The following PRKD2 variants were observed in gnomAD, a reference collection of about 807,000 sequenced individuals.
PRKD2 encodes serine/threonine-protein kinase D2.
Under a neutral mutation model 86.0 loss-of-function variants are expected in PRKD2, and 22 were observed. That is an observed-to-expected ratio of 0.26 (90% confidence interval 0.18 to 0.37). The LOEUF is 0.37. PRKD2 is among the 10% of genes least tolerant of loss of function. PRKD2 has a pLI of 1.00. For synonymous variants in PRKD2, 509 were observed against 510.9 expected, an observed-to-expected ratio of 1.00 and a Z score of 0.05; for missense variants, 818 against 1,199.2, an observed-to-expected ratio of 0.68 and a Z score of 4.70.
Position 46,716,428 on chromosome 19 carries a change from C to T in PRKD2, c.-58G>A. 1.8e-6 allele frequency: 2 copies of T among 1,132,986 alleles called. No homozygotes were observed. Among genetic ancestry groups the T allele is most frequent in the Non-Finnish European group, 1.2e-6 (1 of 843,438 alleles). 70.2% of individuals were successfully genotyped at this position (1,132,986 alleles called of 1,614,324 possible). A position where few individuals can be genotyped will look rare whatever the true frequency, so the allele number is the denominator to read the frequency against. On this transcript the variant is annotated 5_prime_UTR_variant, in exon 1 of 18. Transcript: ENST00000291281. The surrounding 1 kb of genome is among the most constrained non-coding windows in gnomAD (Gnocchi z 7.9). The stretch of plus-strand genomic sequence containing the variant: ...CACCCGGGACCCGGCCGGGGGGCCC[C>T]GGGGGACCCTGGGTTCTAGATCCGC...
At position 46,678,347 on chromosome 19, in the gene PRKD2, G is replaced by GC. The variant is rs765155895; in HGVS notation, c.2338+48dup. 11 of 1,595,298 alleles carry GC rather than the reference G, an allele frequency of 6.9e-6. No homozygotes were observed. Among genetic ancestry groups the GC allele is most frequent in the Non-Finnish European group, 9.4e-6 (11 of 1,172,738 alleles). On this transcript the variant is annotated intron_variant, in intron 16 of 17. Coordinates refer to ENST00000291281, the MANE Select transcript of PRKD2 (RefSeq NM_016457.5). This position sits in a 1 kb window ranked among gnomAD's most constrained non-coding sequence, Gnocchi z 5.7. ...TCTCATGGCTCCGCCCACTTCTCCA[G>GC]CCCCACCCCACAACCCACCCGCCCA...
chr19:46,680,946 A>ATATATATATATATATATTT, intron 15 of PRKD2, among the ~76,000 whole-genome samples: 89 of 48,148 alleles, frequency 1.8e-3, no homozygotes, highest in African/African-American at 2.3e-3. Flanking sequence ...ATATATATAT[A>ATATATATATATATATATTT]TTTTTTTTTT....
chr19:46,713,006 T>G (rs1056733656), intron 2 of PRKD2, among the ~76,000 whole-genome samples: 1 of 152,176 alleles, frequency 6.6e-6, no homozygotes, highest in Non-Finnish European at 1.5e-5. Context: ...CATAACTTTT[T>G]TTTTTCTTTT....
At chr19:46,679,472 G>C (rs2053263463) in intron 15 of PRKD2, among the ~76,000 whole-genome samples, 1 of 152,222 alleles carries the variant, frequency 6.6e-6, no homozygotes, top group Non-Finnish European at 1.5e-5. Flanking sequence ...ATGATCTCAG[G>C]TCAAGGACCT....
At chr19:46,703,440 A>G (rs2053662153) in intron 5 of PRKD2, among the ~76,000 whole-genome samples, 2 of 151,988 alleles carry the variant, frequency 1.3e-5, no homozygotes, top group African/African-American at 4.8e-5. Flanking sequence ...CAGCCTGAAC[A>G]ATATAGTGAT....
chr19:46,696,961 G>GT (rs927001060), intron 9 of PRKD2, among the ~76,000 whole-genome samples, 196 bp downstream of exon 9: 74 of 152,248 alleles, frequency 4.9e-4, no homozygotes, highest in African/African-American at 1.8e-3. Flanking sequence ...CCTGCCCGGA[G>GT]TCCCCCTGGC....
At position 46,677,046 on chromosome 19, in the gene PRKD2, G is replaced by A. The variant is rs575064201; in HGVS notation, c.2338+1350C>T. 7 of 133,744 alleles carry A rather than the reference G, an allele frequency of 5.2e-5. No individual in the cohort carries two copies. In the East Asian group the frequency reaches 1.5e-3, roughly 28 times the overall value. 8.3% of individuals were successfully genotyped at this position (133,744 alleles called of 1,614,324 possible). A position where few individuals can be genotyped will look rare whatever the true frequency, so the allele number is the denominator to read the frequency against. ...ACTGCACTCCAGCGTGGGTGAAAGAGCGAGACCCCACCTCAAAAAAAAAAA... is the reference window on the plus strand; with the variant it reads ...ACTGCACTCCAGCGTGGGTGAAAGAACGAGACCCCACCTCAAAAAAAAAAA... On this transcript the variant is annotated intron_variant, in intron 16 of 17. Transcript: ENST00000291281.
At chr19:46,695,435 A>T (rs971847779) in intron 9 of PRKD2, among the ~76,000 whole-genome samples, 16 of 152,220 alleles carry the variant, frequency 1.1e-4, no homozygotes, top group Non-Finnish European at 1.8e-4. Context: ...GTGAGCCAAG[A>T]TCGCGCCACT....
At position 46,689,213 on chromosome 19, in the gene PRKD2, C is replaced by A. The variant is rs181805642; in HGVS notation, c.1971+324G>T. 39 of 185,640 alleles carry A rather than the reference C, an allele frequency of 2.1e-4. No individual in the cohort carries two copies. The Admixed American group carries it at 2.2e-3, about 11-fold the overall frequency. The allele number at this position is 185,640 out of a possible 1,614,324, so 11.5% of individuals were successfully genotyped here. On this transcript the variant is annotated intron_variant, in intron 14 of 17. Coordinates refer to ENST00000291281, the MANE Select transcript of PRKD2 (RefSeq NM_016457.5). ...CTCGGCTCACTGCAAGCTCCATCTC[C>A]CAGGTTCACACCATTCTCCTGCCTC...
At chr19:46,713,232 G>A (rs1325190113) in intron 2 of PRKD2, among the ~76,000 whole-genome samples, 1 of 129,562 alleles carries the variant, frequency 7.7e-6, no homozygotes, top group Non-Finnish European at 1.6e-5. Context: ...TCCTTATGTT[G>A]CCCAGGCTGG....
chr19:46,674,756 G>A, intron 17 of PRKD2, 21 bp from the exon 18 acceptor site: 1 of 1,597,228 alleles, frequency 6.3e-7, no homozygotes, highest in South Asian at 1.1e-5. Context: ...GAGAACTGGG[G>A]TTAGCTTGGG....
chr19:46,689,852 C>G (rs897800987), intron 13 of PRKD2, 154 bp from the exon 14 acceptor site: 1 of 777,964 alleles, frequency 1.3e-6, no homozygotes, highest in Non-Finnish European at 2.0e-6. Context: ...CAGGCCAAGA[C>G]AGAACAGGCC....
intron 5 of PRKD2, among the ~76,000 whole-genome samples, chr19:46,702,596 C>T (rs73940754): frequency 0.053 from 8,075 of 152,082 alleles, 280 homozygotes; most frequent in East Asian, 0.16. Context: ...TAGCTCTAGG[C>T]TTCTAAGATT....
chr19:46,703,079 C>T (rs1381445609), intron 5 of PRKD2, among the ~76,000 whole-genome samples: 1 of 152,136 alleles, frequency 6.6e-6, no homozygotes, highest in Admixed American at 6.6e-5. Context: ...TGATTCTAGA[C>T]GTCTAAGACT....
intron 5 of PRKD2, 106 bp from the exon 6 acceptor site, chr19:46,701,218 T>A: frequency 8.2e-7 from 1 of 1,226,656 alleles, no homozygotes; most frequent in Non-Finnish European, 1.2e-6. Flanking sequence ...CTACTCTTGC[T>A]GTCTGGGTAA....
chr19:46,717,025 G>T lies in PRKD2; in HGVS notation c.-655C>A. On this transcript the variant is annotated 5_prime_UTR_variant, in exon 1 of 18. Coordinates refer to ENST00000291281, the MANE Select transcript of PRKD2 (RefSeq NM_016457.5). ...GCGTTGCCGGAGCGGGGTTGGGTGG[G>T]GGGCAGGGAGGGTCGCCAGGCGCCA... 1 of 153,328 alleles carries T rather than the reference G, an allele frequency of 6.5e-6. No individual in the cohort carries two copies. Among genetic ancestry groups the T allele is most frequent in the South Asian group, 1.8e-4 (1 of 5,622 alleles). 9.5% of individuals were successfully genotyped at this position (153,328 alleles called of 1,614,324 possible). A position where few individuals can be genotyped will look rare whatever the true frequency, so the allele number is the denominator to read the frequency against.
chr19:46,692,694 C>T (rs1464875952), intron 10 of PRKD2, among the ~76,000 whole-genome samples: 1 of 152,134 alleles, frequency 6.6e-6, no homozygotes, highest in African/African-American at 2.4e-5. Context: ...GGCCTAGACC[C>T]TCATCTACCT....
At chr19:46,695,554 T>C (rs2053545409) in intron 9 of PRKD2, among the ~76,000 whole-genome samples, 1 of 152,228 alleles carries the variant, frequency 6.6e-6, no homozygotes, top group African/African-American at 2.4e-5. Context: ...AGGAAGAGCC[T>C]GGGCTTTGTC....
At chr19:46,684,334 T>G (rs956226194) in intron 14 of PRKD2, among the ~76,000 whole-genome samples, 1 of 152,134 alleles carries the variant, frequency 6.6e-6, no homozygotes, top group Non-Finnish European at 1.5e-5. Flanking sequence ...TCCAGATTGT[T>G]TTTTTGAGAT....
Sources: gnomAD v4.1 joint callset for allele counts (sites outside exome capture counted in the v4.1 genomes callset) on GRCh38, gnomAD v4.1.1 for gene constraint, Gnocchi (gnomAD v3.1) non-coding constraint, MANE v1.5 for transcripts, NCBI Gene and HGNC (gene_info 2026-07-23, HGNC 2026-07-21) for gene names.